The following RAB2A variants were observed in gnomAD, a reference collection of about 807,000 sequenced individuals.
RAB2A encodes the protein RAB2A, member RAS oncogene family, also known as ras-related protein Rab-2A.
In RAB2A, 7 loss-of-function variants were observed where a neutral mutation model predicts 32.5. That is an observed-to-expected ratio of 0.22 (90% confidence interval 0.12 to 0.40). The LOEUF (loss-of-function observed/expected upper bound fraction) is 0.40. RAB2A is among the 10% of genes least tolerant of loss of function. The pLI, the probability that RAB2A is intolerant of heterozygous loss-of-function variation, is 1.00. For synonymous variants in RAB2A, 79 were observed against 85.2 expected (o/e 0.93, Z 0.40); for missense variants, 108 against 260.7 (o/e 0.41, Z 4.03).
intron 2 of RAB2A, among the ~76,000 whole-genome samples, chr8:60,566,104 C>T (rs186084001): frequency 6.6e-6 from 1 of 152,186 alleles, no homozygotes; most frequent in East Asian, 1.9e-4. Flanking sequence ...AAGTTAAATT[C>T]CCTATATAAC....
Position 60,590,612 on chromosome 8 carries a change from T to TAA in RAB2A, c.363-1245_363-1244dup, listed in dbSNP as rs1185031967. On this transcript the variant is annotated intron_variant, in intron 5 of 7. Coordinates refer to ENST00000262646, the MANE Select transcript of RAB2A (RefSeq NM_002865.3). ...TATATATATATAATACATATATATA[T>TAA]AATGCTTATTGTAACATTGTTTGTA... Among the ~76,000 whole-genome samples the TAA allele has an allele frequency of 4.1e-5, 6 of 147,594 alleles. No individual in the cohort carries two copies. The East Asian group carries it at 1.2e-3, about 29-fold the overall frequency.
chr8:60,608,676 T>C (rs1461822060), intron 6 of RAB2A, among the ~76,000 whole-genome samples: 2 of 146,834 alleles, frequency 1.4e-5, no homozygotes, highest in African/African-American at 5.0e-5. Flanking sequence ...CTTTGAGATA[T>C]CACCTAAGTC....
chr8:60,593,010 G>T (rs1245614977), intron 6 of RAB2A, among the ~76,000 whole-genome samples: 1 of 152,212 alleles, frequency 6.6e-6, no homozygotes, highest in Non-Finnish European at 1.5e-5. Context: ...TGCCTTCAAT[G>T]TAGTAAGCAG....
intron 1 of RAB2A, among the ~76,000 whole-genome samples, chr8:60,547,179 T>C (rs1045066313): frequency 6.6e-6 from 1 of 152,062 alleles, no homozygotes; most frequent in South Asian, 2.1e-4. Flanking sequence ...CCTGAGTGGA[T>C]ACAGCACATG....
chr8:60,570,398 ACTC>A, intron 2 of RAB2A, among the ~76,000 whole-genome samples: 1 of 151,826 alleles, frequency 6.6e-6, no homozygotes, highest in South Asian at 2.1e-4. Flanking sequence ...GCTTCAGTAT[ACTC>A]CTTTTCAGTA....
chr8:60,542,986 C>G, intron 1 of RAB2A, among the ~76,000 whole-genome samples: 1 of 152,196 alleles, frequency 6.6e-6, no homozygotes, highest in East Asian at 1.9e-4. Context: ...CACTGGGCAG[C>G]CTTCTCAAAT....
chr8:60,557,049 GA>G (rs1807950054), intron 1 of RAB2A, among the ~76,000 whole-genome samples: 3 of 152,228 alleles, frequency 2.0e-5, no homozygotes, highest in Admixed American at 2.0e-4. Context: ...TTTTAACTTA[GA>G]AAAACTGTTC....
At chr8:60,618,763 C>A in intron 7 of RAB2A, 115 bp downstream of exon 7, 1 of 360,890 alleles carries the variant, frequency 2.8e-6, no homozygotes, top group Non-Finnish European at 4.2e-6. Flanking sequence ...TTCCTAAAAT[C>A]AATCATGATA....
chr8:60,617,357 T>C lies in RAB2A; in HGVS notation c.475-1223T>C, dbSNP rs766800497. On this transcript the variant is annotated intron_variant, in intron 6 of 7. Transcript: ENST00000262646. ...GTAAGCGTCCTTTGATTTTGCTTTC[T>C]TAAACTATATACTAAATAATACATT... is the stretch of plus-strand genomic sequence containing the variant. 5.1e-4 allele frequency among the ~76,000 whole-genome samples: 78 copies of C among 152,226 alleles called. 1 individual carries two copies. The highest frequency in any genetic ancestry group is 3.2e-4 in the Non-Finnish European group (22 of 68,042).
At chr8:60,551,763 A>G (rs2130825718) in intron 1 of RAB2A, among the ~76,000 whole-genome samples, 1 of 152,064 alleles carries the variant, frequency 6.6e-6, no homozygotes, top group Admixed American at 6.6e-5. Context: ...GCTCAGTCAT[A>G]GCTCACTGCA....
chr8:60,601,193 G>A (rs1008939596), intron 6 of RAB2A, among the ~76,000 whole-genome samples: 1 of 152,222 alleles, frequency 6.6e-6, no homozygotes, highest in Admixed American at 6.5e-5. Context: ...GAAGAATACA[G>A]ATTTTCAAAT....
chr8:60,525,928 G>GAT (rs529856590), intron 1 of RAB2A, among the ~76,000 whole-genome samples: 212 of 143,112 alleles, frequency 1.5e-3, no homozygotes, highest in African/African-American at 5.0e-3. Context: ...AGAGAATAAA[G>GAT]ATATATATAT....
At chr8:60,591,472 G>A (rs1803943180) in intron 5 of RAB2A, among the ~76,000 whole-genome samples, 1 of 152,138 alleles carries the variant, frequency 6.6e-6, no homozygotes, top group Non-Finnish European at 1.5e-5. Flanking sequence ...CACATTCATA[G>A]AAACTCAGTC....
At chr8:60,525,558 C>T (rs1807365442) in intron 1 of RAB2A, among the ~76,000 whole-genome samples, 1 of 152,144 alleles carries the variant, frequency 6.6e-6, no homozygotes, top group South Asian at 2.1e-4. Context: ...TTCCCCTTTG[C>T]TCTTTCTTTC....
At chr8:60,564,532 A>G (rs185062521) in intron 2 of RAB2A, among the ~76,000 whole-genome samples, 52 of 152,082 alleles carry the variant, frequency 3.4e-4, no homozygotes, top group Middle Eastern at 3.4e-3. Context: ...CATTCCACTT[A>G]TCCCTCCTCC....
At chr8:60,523,093 C>T (rs1441669519) in intron 1 of RAB2A, among the ~76,000 whole-genome samples, 1 of 151,834 alleles carries the variant, frequency 6.6e-6, no homozygotes, top group Middle Eastern at 3.4e-3. Context: ...ATATAAAATA[C>T]ATATACACAG....
At chr8:60,525,684 G>A (rs934728212) in intron 1 of RAB2A, among the ~76,000 whole-genome samples, 1 of 151,926 alleles carries the variant, frequency 6.6e-6, no homozygotes, top group Non-Finnish European at 1.5e-5. Context: ...TGTGTTTTTA[G>A]CCAAATCTAA....
intron 6 of RAB2A, among the ~76,000 whole-genome samples, chr8:60,604,044 A>G (rs1255497843): frequency 6.6e-6 from 1 of 152,114 alleles, no homozygotes; most frequent in Non-Finnish European, 1.5e-5. Context: ...TCACGGGAGC[A>G]GTTTCTTATG....
intron 6 of RAB2A, among the ~76,000 whole-genome samples, chr8:60,614,418 C>T (rs1192721532): frequency 1.3e-5 from 2 of 151,900 alleles, no homozygotes; most frequent in East Asian, 1.9e-4. Flanking sequence ...TATGTGGCAA[C>T]GATTTTTTTC....
Sources: allele counts gnomAD v4.1 joint callset (sites outside exome capture counted in the v4.1 genomes callset), GRCh38; gene constraint gnomAD v4.1.1; transcripts MANE v1.5; gene names NCBI Gene and HGNC (gene_info 2026-07-23, HGNC 2026-07-21).